Variants in RHEB observed in about 807,000 individuals in gnomAD.
RHEB encodes Ras homolog, mTORC1 binding, also known as GTP-binding protein Rheb.
In RHEB, 2 loss-of-function variants were observed where a neutral mutation model predicts 28.8. The observed-to-expected ratio is 0.07, with a 90% CI of 0.03 to 0.22. The LOEUF is 0.22. RHEB is among the 10% of genes least tolerant of loss of function. The probability of loss-of-function intolerance (pLI) is 1.00; values close to 1 mark genes in which losing one functional copy is unlikely to be tolerated. For synonymous variants in RHEB, 69 were observed against 77.3 expected, an observed-to-expected ratio of 0.89 and a Z score of 0.56; for missense variants, 76 against 219.9, an observed-to-expected ratio of 0.35 and a Z score of 4.14.
chr7:151,502,818 T>C (rs1195654195), intron 1 of RHEB: 2 of 1,246,480 alleles, frequency 1.6e-6, no homozygotes, highest in Admixed American at 3.4e-5. Flanking sequence ...GGGGACAAAG[T>C]GAATGTGGCT....
intron 1 of RHEB, among the ~76,000 whole-genome samples, chr7:151,508,906 TAA>T (rs1196645390): frequency 6.6e-6 from 1 of 152,184 alleles, no homozygotes; most frequent in African/African-American, 2.4e-5. Context: ...CATAGAAGTC[TAA>T]AAAAATTGGA....
At chr7:151,478,854 C>T (rs766274188) in intron 3 of RHEB, among the ~76,000 whole-genome samples, 2 of 152,038 alleles carry the variant, frequency 1.3e-5, no homozygotes, top group Admixed American at 6.6e-5. Context: ...AGGCTGGTCT[C>T]GAACCCCTGA....
intron 1 of RHEB, among the ~76,000 whole-genome samples, chr7:151,493,239 C>G (rs1393433218): frequency 6.6e-6 from 1 of 152,132 alleles, no homozygotes; most frequent in African/African-American, 2.4e-5. Context: ...ACAACCCATC[C>G]TGAGGCTCCA....
intron 1 of RHEB, among the ~76,000 whole-genome samples, chr7:151,496,402 T>C (rs988004642): frequency 2.0e-5 from 3 of 152,148 alleles, no homozygotes; most frequent in African/African-American, 7.2e-5. Flanking sequence ...CTACCAGCAA[T>C]GCTTTCAAAT....
intron 2 of RHEB, among the ~76,000 whole-genome samples, chr7:151,490,552 C>A (rs1007720229): frequency 1.3e-5 from 2 of 152,138 alleles, no homozygotes; most frequent in African/African-American, 4.8e-5. Flanking sequence ...AGTACGGCTT[C>A]TGTAAGAATA....
chr7:151,469,650 A>G (rs1253077716), intron 7 of RHEB, among the ~76,000 whole-genome samples: 1 of 152,226 alleles, frequency 6.6e-6, no homozygotes, highest in Non-Finnish European at 1.5e-5. Context: ...CATGAACCTA[A>G]GTAGATACTT....
chr7:151,487,582 G>A (rs1802502427), intron 2 of RHEB, among the ~76,000 whole-genome samples: 1 of 151,990 alleles, frequency 6.6e-6, no homozygotes. Context: ...AATGTAACTT[G>A]TCCTACTTGT....
intron 1 of RHEB, chr7:151,502,358 G>A: frequency 1.2e-6 from 1 of 826,376 alleles, no homozygotes; most frequent in Non-Finnish European, 2.1e-6. Context: ...GTTTGGAACT[G>A]CATCTAACAT....
chr7:151,518,470 C>T (rs1218533538), intron 1 of RHEB, among the ~76,000 whole-genome samples: 6 of 152,276 alleles, frequency 3.9e-5, no homozygotes, highest in Non-Finnish European at 7.4e-5. Context: ...ACAGTTACTT[C>T]AAAACAGCCC....
At chr7:151,477,475 C>T in intron 3 of RHEB, 60 bp from the exon 4 acceptor site, 1 of 983,600 alleles carries the variant, frequency 1.0e-6, no homozygotes, top group Non-Finnish European at 1.6e-6. Flanking sequence ...ACAAACTTTA[C>T]CCAAAGTTTT....
chr7:151,468,354 C>T lies in RHEB; in HGVS notation c.463-1143G>A, dbSNP rs545297832. ...GCTCAGACTCAGCAGGCCACCATGG[C>T]GCCACTGTACTTCAACTCCCTTCCC... On this transcript the variant is annotated intron_variant, in intron 7 of 7. Coordinates refer to ENST00000262187, the MANE Select transcript of RHEB (RefSeq NM_005614.4). The surrounding 1 kb of genome is among the most constrained non-coding windows in gnomAD (Gnocchi z 4.3). Among the ~76,000 whole-genome samples the T allele has an allele frequency of 3.9e-5, 6 of 152,356 alleles. No homozygotes were observed. The highest frequency in any genetic ancestry group is 4.1e-4 in the South Asian group (2 of 4,830).
chr7:151,469,660 T>C (rs1202341910), intron 7 of RHEB, among the ~76,000 whole-genome samples: 1 of 152,118 alleles, frequency 6.6e-6, no homozygotes, highest in Non-Finnish European at 1.5e-5. Context: ...AGTAGATACT[T>C]AGAGAAGGGC....
intron 1 of RHEB, among the ~76,000 whole-genome samples, chr7:151,511,887 G>C (rs898026404): frequency 6.6e-6 from 1 of 152,122 alleles, no homozygotes; most frequent in Admixed American, 6.5e-5. Context: ...CTGACCTCAG[G>C]TGATCCACTC....
intron 7 of RHEB, 77 bp downstream of exon 7, chr7:151,470,494 C>A: frequency 1.0e-6 from 1 of 974,114 alleles, no homozygotes; most frequent in African/African-American, 1.6e-5. Flanking sequence ...AGACAGAGGT[C>A]AAATGCCAAC....
chr7:151,508,891 A>G (rs1007897639), intron 1 of RHEB, among the ~76,000 whole-genome samples: 1 of 152,232 alleles, frequency 6.6e-6, no homozygotes, highest in Non-Finnish European at 1.5e-5. Flanking sequence ...CTCCAGAAAT[A>G]CTTCCATAGA....
At chr7:151,511,449 C>A (rs736645) in intron 1 of RHEB, among the ~76,000 whole-genome samples, 77,918 of 151,942 alleles carry the variant, frequency 0.51, 20,107 homozygotes, top group South Asian at 0.6. Context: ...AATTCTATCA[C>A]TATCTTTAAA....
intron 1 of RHEB, among the ~76,000 whole-genome samples, chr7:151,496,940 C>T (rs1261734177): frequency 2.0e-5 from 3 of 148,568 alleles, no homozygotes; most frequent in Admixed American, 6.6e-5. Flanking sequence ...CCACCACACT[C>T]GGCTATTTTT....
chr7:151,516,977 G>A (rs944041524), intron 1 of RHEB, among the ~76,000 whole-genome samples: 2 of 152,170 alleles, frequency 1.3e-5, no homozygotes, highest in Non-Finnish European at 2.9e-5. Context: ...CAAAAGGGTG[G>A]CTTACTAGAA....
chr7:151,497,732 C>T lies in RHEB; in HGVS notation c.53-6718G>A, dbSNP rs934666300. 3.3e-5 allele frequency among the ~76,000 whole-genome samples: 5 copies of T among 152,178 alleles called. No individual in the cohort carries two copies. In the South Asian group the frequency reaches 8.3e-4, roughly 25 times the overall value. ...GCCCTGTCTGCCTTACACGGTCTGA[C>T]GTTTTCACCGGAGGAAGAGTTAGCC... is the stretch of plus-strand genomic sequence containing the variant. On this transcript the variant is annotated intron_variant, in intron 1 of 7. Coordinates refer to ENST00000262187, the MANE Select transcript of RHEB (RefSeq NM_005614.4).
Sources: gnomAD v4.1 joint callset for allele counts (sites outside exome capture counted in the v4.1 genomes callset) on GRCh38, gnomAD v4.1.1 for gene constraint, Gnocchi (gnomAD v3.1) non-coding constraint, MANE v1.5 for transcripts, NCBI Gene and HGNC (gene_info 2026-07-23, HGNC 2026-07-21) for gene names.